The following GINM1 variants were observed in gnomAD, a reference collection of about 807,000 sequenced individuals.
GINM1 encodes the protein glycoprotein integral membrane protein 1.
In GINM1, 29 loss-of-function variants were observed where a neutral mutation model predicts 37.8. The observed-to-expected ratio is 0.77, with a 90% confidence interval of 0.57 to 1.05. The LOEUF is 1.05. Ranked by LOEUF, GINM1 falls within the 50% of genes least tolerant of loss-of-function variation. The pLI is 0.00. For synonymous variants in GINM1, 143 were observed against 146.2 expected, an observed-to-expected ratio of 0.98 and a Z score of 0.16; for missense variants, 377 against 397.9, an observed-to-expected ratio of 0.95 and a Z score of 0.45.
chr6:149,574,688 G>A (rs557743848), intron 3 of GINM1, among the ~76,000 whole-genome samples: 2 of 152,148 alleles, frequency 1.3e-5, no homozygotes, highest in Admixed American at 6.5e-5. Flanking sequence ...CTGGGAGTTC[G>A]AGACCAGCCT....
chr6:149,572,650 T>G (rs757208134), intron 3 of GINM1, 47 bp downstream of exon 3: 1 of 1,126,710 alleles, frequency 8.9e-7, no homozygotes, highest in Non-Finnish European at 1.3e-6. Context: ...TTTTTGTGTG[T>G]TTGTTGTTGT....
In GINM1 at chr6:149,591,415, A is replaced by G. The variant is rs1442351081; in HGVS notation, c.*577A>G. The stretch of plus-strand genomic sequence containing the variant: ...ACTTTGAAATTATCAAAAGAAAAAA[A>G]AAAGACCAGACAAAATCTCATGTGC... On this transcript the variant is annotated 3_prime_UTR_variant, in exon 8 of 8. Transcript: ENST00000367419. 1 of 152,184 alleles carries G rather than the reference A, an allele frequency of 6.6e-6. No individual in the cohort carries two copies. Among genetic ancestry groups the G allele is most frequent in the Non-Finnish European group, 1.5e-5 (1 of 68,042 alleles). The allele number at this position is 152,184 out of a possible 1,614,324, so 9.4% of individuals were successfully genotyped here. A position where few individuals can be genotyped will look rare whatever the true frequency, so the allele number is the denominator to read the frequency against.
rs144874779 is a variant in GINM1 at position 149,573,387 on chromosome 6, C to A, written c.277+784C>A. ...GAGGCTGCAGTGAGCTATAATCATG[C>A]CACTGCACTCCAGCATGGGTGACAG... On this transcript the variant is annotated intron_variant, in intron 3 of 7. Coordinates refer to ENST00000367419, the MANE Select transcript of GINM1 (RefSeq NM_138785.5). 1.3e-3 allele frequency among the ~76,000 whole-genome samples: 205 copies of A among 152,296 alleles called. 7 individuals are homozygous for A. The East Asian group carries it at 0.034, about 25-fold the overall frequency.
At chr6:149,586,756 A>G (rs1778077222) in intron 7 of GINM1, among the ~76,000 whole-genome samples, 1 of 151,488 alleles carries the variant, frequency 6.6e-6, no homozygotes, top group Non-Finnish European at 1.5e-5. Flanking sequence ...TTTATTTTTT[A>G]TTACTTATTT....
At chr6:149,586,255 A>G (rs1778068659) in intron 7 of GINM1, among the ~76,000 whole-genome samples, 3 of 152,208 alleles carry the variant, frequency 2.0e-5, no homozygotes, top group Non-Finnish European at 4.4e-5. Context: ...AAGCATGTGC[A>G]GAGATCACAT....
intron 4 of GINM1, 24 bp from the exon 5 acceptor site, chr6:149,579,803 AAATAAAG>A: frequency 7.0e-7 from 1 of 1,423,514 alleles, no homozygotes; most frequent in Non-Finnish European, 9.5e-7. Flanking sequence ...CTACTATTTA[AAATAAAG>A]AATAATTATA....
chr6:149,580,510 C>T, intron 5 of GINM1, 83 bp from the exon 6 acceptor site: 1 of 1,242,142 alleles, frequency 8.1e-7, no homozygotes, highest in South Asian at 1.5e-5. Context: ...TCTTACTATC[C>T]TAAATGCTAT....
At chr6:149,573,182 G>A (rs543891993) in intron 3 of GINM1, among the ~76,000 whole-genome samples, 1 of 152,238 alleles carries the variant, frequency 6.6e-6, no homozygotes, top group South Asian at 2.1e-4. Context: ...GTGTGCGCCT[G>A]TAATCCCAGC....
Position 149,590,939 on chromosome 6 carries a change from A to G in GINM1, c.*101A>G. On this transcript the variant is annotated 3_prime_UTR_variant, in exon 8 of 8. Transcript: ENST00000367419. ...ATCGTTAAGAATCAGTTTATACACTAGAGAAATTGCTAAACTCTAAGACTG... is the reference window on the plus strand; with the variant it reads ...ATCGTTAAGAATCAGTTTATACACTGGAGAAATTGCTAAACTCTAAGACTG... The G allele has an allele frequency of 1.6e-6, 1 of 621,798 alleles. No individual in the cohort carries two copies. The highest frequency in any genetic ancestry group is 2.8e-6 in the Non-Finnish European group (1 of 351,528). The allele number at this position is 621,798 out of a possible 1,614,324, so 38.5% of individuals were successfully genotyped here.
intron 1 of GINM1, among the ~76,000 whole-genome samples, chr6:149,569,296 A>G (rs1346059312): frequency 1.3e-5 from 2 of 150,194 alleles, no homozygotes; most frequent in East Asian, 2.0e-4. Context: ...TCAGCCTTCC[A>G]AAGTGCTGGG....
In GINM1 at chr6:149,591,069, C is replaced by G; in HGVS notation, c.*231C>G. The G allele has an allele frequency of 2.5e-6, 1 of 394,180 alleles. No individual in the cohort carries two copies. The highest frequency in any genetic ancestry group is 4.5e-6 in the Non-Finnish European group (1 of 220,000). 24.4% of individuals were successfully genotyped at this position (394,180 alleles called of 1,614,324 possible). A position where few individuals can be genotyped will look rare whatever the true frequency, so the allele number is the denominator to read the frequency against. On this transcript the variant is annotated 3_prime_UTR_variant, in exon 8 of 8. Transcript: ENST00000367419. ...CAGGACTTTGGGAGGCCAATGCGGG[C>G]GGATCACGAGGTCAGATCAAGACCA...
At position 149,580,657 on chromosome 6, in the gene GINM1, T is replaced by C; in HGVS notation, c.651T>C (p.Asp217=). The part of the protein sequence containing the change: ...YLIRNVETTV[D]EDVLPGKLPE... ...TCAGGAATGTGGAAACCACTGTAGA[T>C]GAAGATGTTTTACCTGGCAAGTTAC... Residue 217 remains aspartate (D), a synonymous_variant, in exon 6 of 8, where the codon GAT becomes GAC. Transcript: ENST00000367419. The C allele has an allele frequency of 1.2e-6, 2 of 1,613,780 alleles. No individual in the cohort carries two copies. The highest frequency in any genetic ancestry group is 1.7e-6 in the Non-Finnish European group (2 of 1,179,678).
chr6:149,570,652 G>A (rs73604790), intron 1 of GINM1, among the ~76,000 whole-genome samples: 4,068 of 152,162 alleles, frequency 0.027, 162 homozygotes, highest in African/African-American at 0.093. Context: ...TCATTTGTGG[G>A]AAATTATATA....
intron 3 of GINM1, among the ~76,000 whole-genome samples, chr6:149,575,849 C>A (rs780775625): frequency 3.3e-5 from 5 of 152,134 alleles, no homozygotes; most frequent in Non-Finnish European, 7.3e-5. Flanking sequence ...TCTCTTATGG[C>A]CATCTTTTAG....
rs554468408 is a variant in GINM1 at position 149,585,074 on chromosome 6, T to C, written c.881+2471T>C. ...AATAAAAATTCTGTAGTTTAACAGATTTCTTTCCCCTTTGGCTGCCAGGAA... is the reference window on the plus strand; with the variant it reads ...AATAAAAATTCTGTAGTTTAACAGACTTCTTTCCCCTTTGGCTGCCAGGAA... On this transcript the variant is annotated intron_variant, in intron 7 of 7. Transcript: ENST00000367419. Among the ~76,000 whole-genome samples the C allele has an allele frequency of 1.2e-4, 18 of 152,308 alleles. No homozygotes were observed. In the South Asian group the frequency reaches 3.7e-3, roughly 32 times the overall value.
chr6:149,582,876 G>A (rs901870703), intron 7 of GINM1, among the ~76,000 whole-genome samples: 2 of 152,180 alleles, frequency 1.3e-5, no homozygotes, highest in Admixed American at 6.5e-5. Context: ...AGCAGAGGAA[G>A]GAAACAAATA....
Position 149,575,595 on chromosome 6 carries a change from C to T in GINM1, c.277+2992C>T, listed in dbSNP as rs116304204. ...ACCTCAGGGAGCTCTTTTCTTGGCC[C>T]TTCAAGTGCTGGCTGTCTTTAGCTT... On this transcript the variant is annotated intron_variant, in intron 3 of 7. Transcript: ENST00000367419. Among the ~76,000 whole-genome samples, 263 of 152,238 alleles carry T rather than the reference C, an allele frequency of 1.7e-3. 1 individual carries two copies. Among genetic ancestry groups the T allele is most frequent in the African/African-American group, 5.9e-3 (247 of 41,552 alleles).
Position 149,589,880 on chromosome 6 carries a change from C to T in GINM1, c.882-847C>T, listed in dbSNP as rs373585474. ...GTGGCACGATCTCGGCTCACTGCAACCTCCACTTCCCGGGTTCAAGCGATC... is the reference window on the plus strand; with the variant it reads ...GTGGCACGATCTCGGCTCACTGCAATCTCCACTTCCCGGGTTCAAGCGATC... On this transcript the variant is annotated intron_variant, in intron 7 of 7. Transcript: ENST00000367419. Among the ~76,000 whole-genome samples, 121 of 152,246 alleles carry T rather than the reference C, an allele frequency of 7.9e-4. 1 individual carries two copies. The South Asian group carries it at 0.024, about 30-fold the overall frequency.
At chr6:149,567,502 G>T (rs867416653) in intron 1 of GINM1, among the ~76,000 whole-genome samples, 20 of 152,140 alleles carry the variant, frequency 1.3e-4, no homozygotes, top group Admixed American at 7.2e-4. Context: ...TTAGCTGGGC[G>T]TGGTTGCAGG....
Sources: gnomAD v4.1 joint callset for allele counts (sites outside exome capture counted in the v4.1 genomes callset) on GRCh38, gnomAD v4.1.1 for gene constraint, MANE v1.5 for transcripts, NCBI Gene and HGNC (gene_info 2026-07-23, HGNC 2026-07-21) for gene names.